MED15: variants seen among roughly 807,000 people sequenced by gnomAD.
The protein encoded by MED15 is mediator of RNA polymerase II transcription subunit 15.
Under a neutral mutation model 118.7 loss-of-function variants are expected in MED15, and 41 were observed. The observed-to-expected ratio is 0.35, with a 90% confidence interval of 0.27 to 0.45. The LOEUF is 0.45. MED15 is among the 20% of genes least tolerant of loss of function. MED15 has a pLI of 1.00. For missense variants in MED15, 740 were observed against 1,025.5 expected (o/e 0.72, Z 3.80); for synonymous variants, 436 against 413.9 (o/e 1.05, Z -0.65).
At chr22:20,525,183 C>T (rs549813349) in intron 1 of MED15, among the ~76,000 whole-genome samples, 5 of 152,028 alleles carry the variant, frequency 3.3e-5, no homozygotes, top group Admixed American at 6.6e-5. Flanking sequence ...CCCAGCTACT[C>T]GGGAGACTGA....
intron 2 of MED15, among the ~76,000 whole-genome samples, chr22:20,540,764 T>C (rs1042222078): frequency 7.9e-5 from 12 of 152,078 alleles, no homozygotes; most frequent in African/African-American, 2.4e-4. Flanking sequence ...TCATCAAAAT[T>C]AAAAACTTGT....
chr22:20,535,563 CTTT>C (rs574158276), intron 1 of MED15, among the ~76,000 whole-genome samples: 2 of 144,456 alleles, frequency 1.4e-5, no homozygotes, highest in Admixed American at 6.9e-5. Context: ...TGCTTTCTTT[CTTT>C]TTTTTTTTTT....
intron 9 of MED15, chr22:20,582,364 T>G (rs947213648): frequency 2.1e-4 from 126 of 589,096 alleles, no homozygotes; most frequent in Non-Finnish European, 3.4e-4. Context: ...TGTGCCCCTG[T>G]GGGTCCCTGG....
intron 3 of MED15, chr22:20,552,647 G>A: frequency 3.0e-6 from 1 of 336,202 alleles, no homozygotes; most frequent in South Asian, 2.3e-5. Flanking sequence ...TTCTCCGCTG[G>A]GCACTGGGGT....
chr22:20,574,051 G>A (rs1160180003), intron 8 of MED15: 1 of 152,224 alleles, frequency 6.6e-6, no homozygotes, highest in African/African-American at 2.4e-5. Context: ...GTGAGGCCAC[G>A]GGTCTCCCTG....
rs531767340 is a variant in MED15, at chr22:20,548,228, C to T, written c.157-3208C>T. Among the ~76,000 whole-genome samples, 13 of 152,132 alleles carry T rather than the reference C, an allele frequency of 8.5e-5. No individual in the cohort carries two copies. The South Asian group carries it at 2.1e-3, about 24-fold the overall frequency. On this transcript the variant is annotated intron_variant, in intron 2 of 17. Coordinates refer to ENST00000263205, the MANE Select transcript of MED15 (RefSeq NM_001003891.3). ...CCAGGCTGGAGTGCAGTGGCGTGAT[C>T]GCGGCTCACTGCAACCTCTGCCTCC...
chr22:20,558,760 C>T (rs6002534), intron 5 of MED15, among the ~76,000 whole-genome samples: 1 of 152,036 alleles, frequency 6.6e-6, no homozygotes, highest in Non-Finnish European at 1.5e-5. Flanking sequence ...GTGTCACCCC[C>T]CATACCCCCC....
chr22:20,584,574 T>A, intron 14 of MED15, 149 bp downstream of exon 14: 1 of 997,546 alleles, frequency 1.0e-6, no homozygotes, highest in Non-Finnish European at 1.5e-6. Context: ...TGGCCAGGTC[T>A]GCTGTGCTGG....
intron 8 of MED15, chr22:20,574,156 G>A (rs2056753532): frequency 6.6e-6 from 1 of 152,294 alleles, no homozygotes. Context: ...CCAGAGCACA[G>A]CCTCCCACCA....
chr22:20,583,574 G>GC (rs1175384402), intron 13 of MED15, 181 bp downstream of exon 13: 4 of 694,512 alleles, frequency 5.8e-6, no homozygotes, highest in Non-Finnish European at 9.5e-6. Context: ...CTTCATCTTG[G>GC]CCCATGCCCA....
intron 1 of MED15, among the ~76,000 whole-genome samples, chr22:20,518,609 T>C (rs1279100083): frequency 6.6e-6 from 1 of 152,192 alleles, no homozygotes; most frequent in East Asian, 1.9e-4. Flanking sequence ...GCCAACAGCA[T>C]TGGAAATTCC....
At chr22:20,521,538 C>A (rs1199767658) in intron 1 of MED15, among the ~76,000 whole-genome samples, 4 of 150,526 alleles carry the variant, frequency 2.7e-5, no homozygotes, top group African/African-American at 9.7e-5. Context: ...CGCCCATCAC[C>A]ACACCCGGCT....
At chr22:20,554,620 G>C (rs1277022327) in intron 4 of MED15, 1 of 234,856 alleles carries the variant, frequency 4.3e-6, no homozygotes, top group Non-Finnish European at 8.2e-6. Flanking sequence ...GGAGAGGCAG[G>C]GGTTGCCACC....
rs61279859 is a variant in MED15 at position 20,543,111 on chromosome 22, TTG to T, written c.156+5947_156+5948del. ...TCTTCCCTCAATTTCTCTCTCTTCT[TTG>T]TGTGTGTGTGTGTGTGTGTGTGTGT... On this transcript the variant is annotated intron_variant, in intron 2 of 17. Coordinates refer to ENST00000263205, the MANE Select transcript of MED15 (RefSeq NM_001003891.3). 9.3e-3 allele frequency among the ~76,000 whole-genome samples: 1,307 copies of T among 141,196 alleles called. 11 individuals carry two copies. Among genetic ancestry groups the T allele is most frequent in the Middle Eastern group, 0.028 (8 of 282 alleles). 92.6% of individuals were successfully genotyped at this position (141,196 alleles called of 152,430 possible). A position where few individuals can be genotyped will look rare whatever the true frequency, so the allele number is the denominator to read the frequency against.
Position 20,583,122 on chromosome 22 carries a change from G to C in MED15, c.1547G>C (p.Ser516Thr), listed in dbSNP as rs911176050. ...PGPLNTPVNP[S>T]SVMSPAGSSQ... ...CGCCTGTGTCCTGCAGTGAACCCCA[G>C]CTCTGTCATGAGCCCAGCTGGCTCC... The change falls in exon 12 of 18, where the codon AGC becomes ACC. Residue 516 changes from serine to threonine, a missense_variant. This residue lies in a region of MED15 where 384 missense variants were observed against 506.3 expected (regional missense o/e 0.76). Transcript: ENST00000263205. 9 of 1,596,588 alleles carry C rather than the reference G, an allele frequency of 5.6e-6. No individual in the cohort carries two copies. The East Asian group carries it at 6.7e-5, about 12-fold the overall frequency.
intron 8 of MED15, among the ~76,000 whole-genome samples, chr22:20,571,319 G>A (rs923719165): frequency 4.7e-4 from 71 of 152,222 alleles, no homozygotes; most frequent in African/African-American, 1.2e-3. Flanking sequence ...TCAGGTGGAG[G>A]TCCCCGCCCG....
chr22:20,579,290 G>C (rs1227153388), intron 9 of MED15, among the ~76,000 whole-genome samples: 1 of 152,156 alleles, frequency 6.6e-6, no homozygotes, highest in Non-Finnish European at 1.5e-5. Context: ...TGCTGGACTT[G>C]GACTGCCCAC....
chr22:20,537,720 G>A (rs928408688), intron 2 of MED15, among the ~76,000 whole-genome samples: 17 of 152,216 alleles, frequency 1.1e-4, no homozygotes, highest in African/African-American at 4.1e-4. Context: ...CCCTGGGTGG[G>A]GCACCACACT....
chr22:20,543,070 C>T (rs1374595452), intron 2 of MED15, among the ~76,000 whole-genome samples: 1 of 151,460 alleles, frequency 6.6e-6, no homozygotes, highest in Non-Finnish European at 1.5e-5. Flanking sequence ...GTCTAGATTC[C>T]TTTCTGCTTA....
Sources: allele counts gnomAD v4.1 joint callset (sites outside exome capture counted in the v4.1 genomes callset), GRCh38; gene constraint gnomAD v4.1.1; regional missense constraint gnomAD v4.1.1; transcripts MANE v1.5; gene names NCBI Gene and HGNC (gene_info 2026-07-23, HGNC 2026-07-21).